The following FETUB variants were observed in gnomAD, a reference collection of about 807,000 sequenced individuals.
FETUB encodes the protein fetuin B, also known as fetuin-B.
In FETUB, 28 loss-of-function variants were observed where a neutral mutation model predicts 30.9. The observed-to-expected ratio is 0.90, with a 90% CI of 0.67 to 1.24. The LOEUF (loss-of-function observed/expected upper bound fraction) is 1.24. Among genes scored for constraint, FETUB ranks in the 50% most tolerant of loss-of-function variants. The probability of loss-of-function intolerance (pLI) is 0.00; values close to 1 mark genes in which losing one functional copy is unlikely to be tolerated. For synonymous variants in FETUB, 186 were observed against 175.9 expected (o/e 1.06, Z -0.45); for missense variants, 469 against 455.3 (o/e 1.03, Z -0.27).
intron 5 of FETUB, among the ~76,000 whole-genome samples, chr3:186,650,606 T>C (rs1488657110): frequency 2.0e-5 from 3 of 152,086 alleles, no homozygotes; most frequent in Non-Finnish European, 2.9e-5. Context: ...GTAATATATA[T>C]ATAATATGAC....
chr3:186,651,233 A>G lies in FETUB; in HGVS notation c.712A>G (p.Lys238Glu). 1 of 1,612,838 alleles carries G rather than the reference A, an allele frequency of 6.2e-7. No homozygotes were observed. Among genetic ancestry groups the G allele is most frequent in the Non-Finnish European group, 8.5e-7 (1 of 1,178,824 alleles). The part of the protein sequence containing the change: ...SSDSVPVGLC[K>E]GSLTRTHWEK... ...TCTCTTTTAGCCTGTTGGTCTTTGC[A>G]AAGGTTCTCTGACTCGAACACACTG... The change falls in exon 6 of 7, where the codon AAA becomes GAA. Residue 238 changes from lysine to glutamate, a missense_variant. Lys to Glu is a moderately conservative substitution (Grantham distance 56). Coordinates refer to ENST00000265029, the MANE Select transcript of FETUB (RefSeq NM_014375.3).
rs762022868 is a variant in FETUB at position 186,651,198 on chromosome 3, C to G, written c.697-20C>G. ...GTGATCACTGGTAATACTCACATGACATTGTATTTTCTCTTTTAGCCTGTT... is the reference window on the plus strand; with the variant it reads ...GTGATCACTGGTAATACTCACATGAGATTGTATTTTCTCTTTTAGCCTGTT... On this transcript the variant is annotated intron_variant, in intron 5 of 6. Coordinates refer to ENST00000265029, the MANE Select transcript of FETUB (RefSeq NM_014375.3). The G allele has an allele frequency of 1.2e-5, 19 of 1,542,218 alleles. No individual in the cohort carries two copies. The African/African-American group carries it at 1.9e-4, about 15-fold the overall frequency.
At chr3:186,642,278 C>T in intron 2 of FETUB, 193 bp from the exon 3 acceptor site, 1 of 554,222 alleles carries the variant, frequency 1.8e-6, no homozygotes, top group South Asian at 2.2e-5. Context: ...GGCTTGGAAA[C>T]ATATTCTAGC....
chr3:186,639,749 C>T (rs3755838), upstream of FETUB, among the ~76,000 whole-genome samples: 9,530 of 151,092 alleles, frequency 0.063, 382 homozygotes, highest in African/African-American at 0.11. Flanking sequence ...GAGTATGGGG[C>T]TTTAGTCTCT....
chr3:186,646,199 C>T (rs751514910), intron 4 of FETUB, 49 bp from the exon 5 acceptor site: 3 of 1,387,120 alleles, frequency 2.2e-6, no homozygotes, highest in Admixed American at 1.7e-5. Flanking sequence ...AGTCTTTTCC[C>T]TAGGCAGAAA....
chr3:186,639,777 T>C (rs1369749054), upstream of FETUB, among the ~76,000 whole-genome samples: 1 of 152,162 alleles, frequency 6.6e-6, no homozygotes, highest in Non-Finnish European at 1.5e-5. Flanking sequence ...CTTGCTTCCA[T>C]ACATATGCAT....
chr3:186,649,445 G>T (rs961866492), intron 5 of FETUB, among the ~76,000 whole-genome samples: 3 of 151,956 alleles, frequency 2.0e-5, no homozygotes, highest in Non-Finnish European at 4.4e-5. Flanking sequence ...AGTGTACATT[G>T]TATTCAGGGT....
Position 186,640,650 on chromosome 3 carries a change from C to T in FETUB, c.190C>T (p.Leu64Phe), listed in dbSNP as rs1716964045. 2 of 1,614,128 alleles carry T rather than the reference C, an allele frequency of 1.2e-6. No individual in the cohort carries two copies. The highest frequency in any genetic ancestry group is 1.3e-5 in the African/African-American group (1 of 75,042). ...KDRKDGYVLR[L>F]NRVNDAQEYR... ...CAGAAAGGATGGCTATGTGCTGAGA[C>T]TCAACCGAGTGAACGACGCCCAGGA... Residue 64 changes from leucine (L) to phenylalanine (F), a missense_variant, in exon 1 of 7, where the codon CTC becomes TTC. Transcript: ENST00000265029.
At chr3:186,636,089 C>T (rs1438231570), upstream of FETUB, 1 of 152,338 alleles carries the variant, frequency 6.6e-6, no homozygotes, top group Non-Finnish European at 1.5e-5. Context: ...AGTATACTCA[C>T]CCCCAGGCCT....
In FETUB at chr3:186,641,072, G is replaced by A; in HGVS notation, c.268G>A (p.Glu90Lys). 1.2e-6 allele frequency: 2 copies of A among 1,614,018 alleles called. No homozygotes were observed. Among genetic ancestry groups the A allele is most frequent in the Non-Finnish European group, 1.7e-6 (2 of 1,179,910 alleles). The stretch of plus-strand genomic sequence containing the variant: ...GTTCTATCTTACACTGGATGTGCTA[G>A]AGACTGACTGCCATGTGCTCAGAAA... ...SLFYLTLDVL[E>K]TDCHVLRKKA... Residue 90 changes from glutamate (E) to lysine (K), a missense_variant, in exon 2 of 7, where the codon GAG becomes AAG. Coordinates refer to ENST00000265029, the MANE Select transcript of FETUB (RefSeq NM_014375.3).
chr3:186,637,847 A>C (rs1192955478), upstream of FETUB, among the ~76,000 whole-genome samples: 3 of 152,176 alleles, frequency 2.0e-5, no homozygotes, highest in Admixed American at 1.3e-4. Context: ...CCATATTGCA[A>C]CCTCAGGAGA....
chr3:186,652,355 A>G lies in FETUB; in HGVS notation c.873A>G (p.Pro291=). The part of the protein sequence containing the change: ...VEESQQKNTP[P]TDSPSKAGPR... ...AATCCCAGCAGAAAAACACCCCCCC[A>G]ACAGACTCCCCCTCCAAAGCTGGGC... Residue 291 remains proline (P), a synonymous_variant, in exon 7 of 7, where the codon CCA becomes CCG. Coordinates refer to ENST00000265029, the MANE Select transcript of FETUB (RefSeq NM_014375.3). The G allele has an allele frequency of 1.6e-6, 2 of 1,277,048 alleles. No individual in the cohort carries two copies. The highest frequency in any genetic ancestry group is 2.2e-6 in the Non-Finnish European group (2 of 894,286). The allele number at this position is 1,277,048 out of a possible 1,614,324, so 79.1% of individuals were successfully genotyped here. A position where few individuals can be genotyped will look rare whatever the true frequency, so the allele number is the denominator to read the frequency against.
rs761248477 is a variant in FETUB at position 186,646,253 on chromosome 3, G to T, written c.600G>T (p.Val200=). 3.7e-6 allele frequency: 6 copies of T among 1,610,868 alleles called. No individual in the cohort carries two copies. In the African/African-American group the frequency reaches 6.7e-5, roughly 18 times the overall value. ...CAACTCTTGTCTCATAACAGTGGGT[G>T]GTCGGCCCTTCTTACTTTGTGGAAT... ...FKVTRASSQW[V]VGPSYFVEYL... The change falls in exon 5 of 7, where the codon GTG becomes GTT. Residue 200 remains valine (V), a synonymous_variant. Coordinates refer to ENST00000265029, the MANE Select transcript of FETUB (RefSeq NM_014375.3).
At chr3:186,636,566 T>C (rs1350829308), upstream of FETUB, among the ~76,000 whole-genome samples, 2 of 152,148 alleles carry the variant, frequency 1.3e-5, no homozygotes, top group Non-Finnish European at 2.9e-5. Context: ...AACATTTTGA[T>C]TTTTTTCCAC....
At position 186,652,339 on chromosome 3, in the gene FETUB, A is replaced by G; in HGVS notation, c.857A>G (p.Gln286Arg). The G allele has an allele frequency of 6.2e-7, 1 of 1,610,506 alleles. No homozygotes were observed. ...CTTCCCAAGGTGGAAGAATCCCAGC[A>G]GAAAAACACCCCCCCAACAGACTCC... is the stretch of plus-strand genomic sequence containing the variant. Reference protein sequence around the residue: ...TNLPKVEESQQKNTPPTDSPS... With the variant: ...TNLPKVEESQRKNTPPTDSPS... The change falls in exon 7 of 7, where the codon CAG (glutamine) becomes CGG (arginine). Residue 286 changes from glutamine to arginine, a missense_variant. Physicochemically the swap from Gln to Arg is conservative, Grantham distance 43. Transcript: ENST00000265029.
rs1039510241 is a variant in FETUB at position 186,652,865 on chromosome 3, A to T, written c.*234A>T. 8.8e-6 allele frequency: 4 copies of T among 452,594 alleles called. No homozygotes were observed. Among genetic ancestry groups the T allele is most frequent in the Admixed American group, 3.8e-5 (1 of 26,434 alleles). 28.0% of individuals were successfully genotyped at this position (452,594 alleles called of 1,614,324 possible). A position where few individuals can be genotyped will look rare whatever the true frequency, so the allele number is the denominator to read the frequency against. ...GTACCCTGAGCTGCATCACCTCCTAAACTGAGCAGTCTCATACCATGGAGA... is the reference window on the plus strand; with the variant it reads ...GTACCCTGAGCTGCATCACCTCCTATACTGAGCAGTCTCATACCATGGAGA... On this transcript the variant is annotated 3_prime_UTR_variant, in exon 7 of 7. Transcript: ENST00000265029.
At chr3:186,647,712 G>A (rs1350493305) in intron 5 of FETUB, among the ~76,000 whole-genome samples, 1 of 152,026 alleles carries the variant, frequency 6.6e-6, no homozygotes, top group Non-Finnish European at 1.5e-5. Flanking sequence ...TGAATAATAA[G>A]AGTCTTTACA....
At chr3:186,646,548 T>C (rs1717561396) in intron 5 of FETUB, among the ~76,000 whole-genome samples, 199 bp downstream of exon 5, 1 of 152,162 alleles carries the variant, frequency 6.6e-6, no homozygotes, top group South Asian at 2.1e-4. Flanking sequence ...GTTGCAAAAG[T>C]GATTATATAG....
intron 5 of FETUB, among the ~76,000 whole-genome samples, chr3:186,647,460 T>G (rs1233508055): frequency 3.3e-5 from 5 of 152,198 alleles, no homozygotes; most frequent in Non-Finnish European, 7.4e-5. Flanking sequence ...CCATCAGCAA[T>G]GTATGAGGGT....
Sources: gnomAD v4.1 joint callset for allele counts (sites outside exome capture counted in the v4.1 genomes callset) on GRCh38, gnomAD v4.1.1 for gene constraint, MANE v1.5 for transcripts, NCBI Gene and HGNC (gene_info 2026-07-23, HGNC 2026-07-21) for gene names.